Variants in FBXL13 observed in about 807,000 individuals in gnomAD.
FBXL13 encodes the protein F-box and leucine-rich repeat protein 13.
A neutral mutation model predicts 83.6 loss-of-function variants in FBXL13; 67 were observed. That is an observed-to-expected ratio of 0.80 (90% CI 0.66 to 0.98). The LOEUF (loss-of-function observed/expected upper bound fraction) is 0.98, where lower values mean the gene tolerates loss of function less well. Ranked by LOEUF, FBXL13 falls within the 50% of genes least tolerant of loss-of-function variation. The pLI, the probability that FBXL13 is intolerant of heterozygous loss-of-function variation, is 0.00. For missense variants in FBXL13, 822 were observed against 866.5 expected, an observed-to-expected ratio of 0.95 and a Z score of 0.64; for synonymous variants, 272 against 299.5, an observed-to-expected ratio of 0.91 and a Z score of 0.95.
At chr7:103,000,006 T>G (rs1439556792) in intron 6 of FBXL13, among the ~76,000 whole-genome samples, 1 of 152,182 alleles carries the variant, frequency 6.6e-6, no homozygotes, top group East Asian at 1.9e-4. Flanking sequence ...ATGTTTCTAT[T>G]TTTTTGATAT....
intron 8 of FBXL13, among the ~76,000 whole-genome samples, chr7:102,957,600 C>T (rs1393890987): frequency 5.9e-5 from 9 of 152,000 alleles, no homozygotes; most frequent in African/African-American, 9.7e-5. Context: ...AATAGGCAAC[C>T]TACAGAATGG....
chr7:103,068,438 C>A (rs1244881284), intron 1 of FBXL13, among the ~76,000 whole-genome samples: 1 of 152,160 alleles, frequency 6.6e-6, no homozygotes, highest in Admixed American at 6.5e-5. Flanking sequence ...CCTAGGATTT[C>A]ATATCTGAGT....
chr7:102,940,222 T>A, intron 8 of FBXL13, among the ~76,000 whole-genome samples: 1 of 143,704 alleles, frequency 7.0e-6, no homozygotes. Flanking sequence ...TGTTTGTTTT[T>A]TTTTTTGAGA....
At chr7:102,946,375 C>T (rs1215093686) in intron 8 of FBXL13, among the ~76,000 whole-genome samples, 2 of 152,186 alleles carry the variant, frequency 1.3e-5, no homozygotes, top group East Asian at 1.9e-4. Context: ...TTCAGATCTG[C>T]CTAAGCCCTT....
At chr7:102,833,326 A>G (rs2129447681) in intron 17 of FBXL13, among the ~76,000 whole-genome samples, 1 of 152,282 alleles carries the variant, frequency 6.6e-6, no homozygotes, top group South Asian at 2.1e-4. Context: ...AGTGGAATGT[A>G]ATGGAAAGAA....
At chr7:102,997,505 C>T (rs932669644) in intron 6 of FBXL13, among the ~76,000 whole-genome samples, 5 of 152,046 alleles carry the variant, frequency 3.3e-5, no homozygotes, top group Non-Finnish European at 7.4e-5. Context: ...CTATCAAACA[C>T]TAACTCTTAT....
rs74938172 is a variant in FBXL13, at chr7:102,846,896, G to C, written c.1719+7881C>G. Among the ~76,000 whole-genome samples, 2,130 of 152,188 alleles carry C rather than the reference G, an allele frequency of 0.014. 115 individuals are homozygous for C. In the East Asian group the frequency reaches 0.16, roughly 11 times the overall value. On this transcript the variant is annotated intron_variant, in intron 17 of 19. Coordinates refer to ENST00000313221, the Ensembl canonical transcript of FBXL13. The stretch of plus-strand genomic sequence containing the variant: ...ACAGGCTCAATGCTCACTGACGGTG[G>C]CTGTCTGCCTGCCCAGCTAACCTGT...
intron 18 of FBXL13, among the ~76,000 whole-genome samples, chr7:102,824,765 C>T (rs1298340513): frequency 6.8e-6 from 1 of 148,146 alleles, no homozygotes; most frequent in South Asian, 2.2e-4. Flanking sequence ...GGATTACAGG[C>T]GTGAGCCACC....
At chr7:103,009,969 C>G (rs1791422076) in intron 6 of FBXL13, among the ~76,000 whole-genome samples, 1 of 152,238 alleles carries the variant, frequency 6.6e-6, no homozygotes, top group Non-Finnish European at 1.5e-5. Context: ...GAGCTTGCAG[C>G]CCAGCAGCCC....
At chr7:102,944,762 A>G in intron 8 of FBXL13, 1 of 651,376 alleles carries the variant, frequency 1.5e-6, no homozygotes, top group Non-Finnish European at 2.5e-6. Context: ...TGACTATTAT[A>G]GTAATCAAGA....
intron 16 of FBXL13, among the ~76,000 whole-genome samples, chr7:102,865,593 G>A (rs1039422852): frequency 3.9e-5 from 6 of 152,098 alleles, no homozygotes; most frequent in African/African-American, 1.4e-4. Flanking sequence ...CCAGGCTGGA[G>A]TGCAATGGCG....
intron 6 of FBXL13, among the ~76,000 whole-genome samples, chr7:103,011,556 T>C (rs1163001106): frequency 6.6e-6 from 1 of 150,762 alleles, no homozygotes; most frequent in African/African-American, 2.4e-5. Flanking sequence ...GAGAATCGCT[T>C]GAACCCGGGA....
intron 11 of FBXL13, among the ~76,000 whole-genome samples, chr7:102,893,820 G>A (rs527773436): frequency 2.7e-5 from 4 of 149,126 alleles, no homozygotes; most frequent in East Asian, 3.9e-4. Context: ...GAATGGGGGA[G>A]GGGGAGAAGA....
At chr7:102,907,080 C>T (rs1813877985) in intron 11 of FBXL13, among the ~76,000 whole-genome samples, 1 of 152,094 alleles carries the variant, frequency 6.6e-6, no homozygotes, top group Non-Finnish European at 1.5e-5. Context: ...TCAAACAATT[C>T]TCTTGCCTCT....
chr7:103,029,884 G>A (rs1794324909), intron 2 of FBXL13, among the ~76,000 whole-genome samples: 1 of 152,104 alleles, frequency 6.6e-6, no homozygotes, highest in Non-Finnish European at 1.5e-5. Context: ...TAAATGAAAA[G>A]TCTAAACTGT....
chr7:102,933,238 C>G (rs1819566873), intron 8 of FBXL13: 1 of 151,910 alleles, frequency 6.6e-6, no homozygotes, highest in Non-Finnish European at 1.5e-5. Context: ...TCTCTGGAGC[C>G]CACACCCAAC....
chr7:103,004,569 G>A (rs1790774860), intron 6 of FBXL13, among the ~76,000 whole-genome samples: 1 of 152,122 alleles, frequency 6.6e-6, no homozygotes, highest in Non-Finnish European at 1.5e-5. Context: ...CACTCACTAT[G>A]CTTCTTGTTC....
chr7:102,969,033 A>T (rs1254290411), intron 6 of FBXL13, among the ~76,000 whole-genome samples: 3 of 152,226 alleles, frequency 2.0e-5, no homozygotes, highest in Non-Finnish European at 4.4e-5. Flanking sequence ...TAATTTTTAA[A>T]TAAATTTAGT....
rs1313646992 is a variant in FBXL13, at chr7:103,065,193, C to A, written c.-105+9053G>T. 2.6e-5 allele frequency among the ~76,000 whole-genome samples: 4 copies of A among 152,122 alleles called. 1 individual carries two copies. Among genetic ancestry groups the A allele is most frequent in the Admixed American group, 2.6e-4 (4 of 15,280 alleles). Reference sequence around the variant, plus strand: ...TCTGAAAAAAAAAGCCTAGCCATAACTATCTTTCATTTTAGATTTTTAAAT... The same window carrying A: ...TCTGAAAAAAAAAGCCTAGCCATAAATATCTTTCATTTTAGATTTTTAAAT... On this transcript the variant is annotated intron_variant, in intron 1 of 19. Transcript: ENST00000313221.
Sources: allele counts gnomAD v4.1 joint callset (sites outside exome capture counted in the v4.1 genomes callset), GRCh38; gene constraint gnomAD v4.1.1; transcripts MANE v1.5; gene names NCBI Gene and HGNC (gene_info 2026-07-23, HGNC 2026-07-21).